The following MAPK10 variants were observed in gnomAD, a reference collection of about 807,000 sequenced individuals.
MAPK10 encodes mitogen-activated protein kinase 10.
In MAPK10, 25 loss-of-function variants were observed where a neutral mutation model predicts 59.3. The observed-to-expected ratio is 0.42, with a 90% CI of 0.31 to 0.59. The LOEUF is 0.59. MAPK10 is among the 20% of genes least tolerant of loss of function. MAPK10 has a pLI of 0.15. For synonymous variants in MAPK10, 190 were observed against 200.5 expected (o/e 0.95, Z 0.44); for missense variants, 351 against 568.9 (o/e 0.62, Z 3.90).
chr4:86,539,448 G>A (rs971096553), intron 1 of MAPK10, among the ~76,000 whole-genome samples: 2 of 152,124 alleles, frequency 1.3e-5, no homozygotes. Flanking sequence ...TGGAATATAA[G>A]CACAAGCATG....
chr4:86,412,065 T>C (rs765027189), intron 1 of MAPK10, among the ~76,000 whole-genome samples: 3 of 152,198 alleles, frequency 2.0e-5, no homozygotes, highest in Non-Finnish European at 4.4e-5. Context: ...GTTTAGTACT[T>C]TCTTCAGGAG....
chr4:86,426,752 C>T (rs949409149), intron 1 of MAPK10, among the ~76,000 whole-genome samples: 2 of 152,102 alleles, frequency 1.3e-5, no homozygotes, highest in Non-Finnish European at 2.9e-5. Context: ...AGTCATTTTA[C>T]CTAGTTTAGC....
At chr4:86,426,002 C>T (rs1216872795) in intron 1 of MAPK10, among the ~76,000 whole-genome samples, 2 of 152,080 alleles carry the variant, frequency 1.3e-5, no homozygotes, top group Non-Finnish European at 2.9e-5. Context: ...GTGATTCAGT[C>T]TACACTAAGC....
chr4:86,432,363 C>T (rs969725698), intron 1 of MAPK10, among the ~76,000 whole-genome samples: 6 of 152,292 alleles, frequency 3.9e-5, no homozygotes, highest in African/African-American at 1.2e-4. Context: ...CAACCTCCAT[C>T]TCCTGGGTTC....
Position 86,348,168 on chromosome 4 carries a change from T to C in MAPK10, c.-7+6362A>G, listed in dbSNP as rs58784570. Among the ~76,000 whole-genome samples the C allele has an allele frequency of 4.0e-3, 606 of 152,264 alleles. 9 individuals are homozygous for C. The highest frequency in any genetic ancestry group is 0.014 in the African/African-American group (581 of 41,534). On this transcript the variant is annotated intron_variant, in intron 2 of 13. Coordinates refer to ENST00000641462, the MANE Select transcript of MAPK10 (RefSeq NM_138982.4). ...ATACTTACCTGGAATTCAAACCATA[T>C]CAATATTTTAAGGCTCTATTTAGGT...
At chr4:86,487,060 A>G (rs1335961536) in intron 1 of MAPK10, among the ~76,000 whole-genome samples, 1 of 152,130 alleles carries the variant, frequency 6.6e-6, no homozygotes, top group Non-Finnish European at 1.5e-5. Context: ...AGCTAAGGAA[A>G]TCTTCCAGAT....
chr4:86,576,729 C>A (rs1019304626), intron 1 of MAPK10, among the ~76,000 whole-genome samples: 1 of 151,246 alleles, frequency 6.6e-6, no homozygotes, highest in African/African-American at 2.4e-5. Flanking sequence ...GAGCCGAGAT[C>A]GCGCCACTGT....
At chr4:86,361,235 T>G (rs1379354278), upstream of MAPK10, among the ~76,000 whole-genome samples, 2 of 152,228 alleles carry the variant, frequency 1.3e-5, no homozygotes, top group African/African-American at 4.8e-5. Context: ...TTGCTGCTGT[T>G]GTTTTATTTG....
At chr4:86,515,788 G>A (rs1349709985) in intron 1 of MAPK10, among the ~76,000 whole-genome samples, 4 of 151,668 alleles carry the variant, frequency 2.6e-5, no homozygotes, top group African/African-American at 9.7e-5. Flanking sequence ...TCTGCGGGTT[G>A]TCTGTTTACT....
chr4:86,574,554 C>G (rs1761728191), intron 1 of MAPK10, among the ~76,000 whole-genome samples: 1 of 152,136 alleles, frequency 6.6e-6, no homozygotes. Flanking sequence ...TCTCCACATC[C>G]TCTCCAGCAC....
intron 2 of MAPK10, among the ~76,000 whole-genome samples, chr4:86,256,574 T>C (rs2093720342): frequency 1.3e-5 from 2 of 151,952 alleles, no homozygotes; most frequent in Admixed American, 1.3e-4. Context: ...ATTTAGTAAG[T>C]ACCTAGATTT....
In MAPK10 at chr4:86,107,240, A is replaced by G; in HGVS notation, c.349T>C (p.Cys117Arg). 6.2e-7 allele frequency: 1 copy of G among 1,612,702 alleles called. No homozygotes were observed. Among genetic ancestry groups the G allele is most frequent in the South Asian group, 1.1e-5 (1 of 90,952 alleles). Reference protein sequence around the residue: ...RAYRELVLMKCVNHKNIISLL... With the variant: ...RAYRELVLMKRVNHKNIISLL... Reference sequence around the variant, plus strand: ...AAACTCACGTTTTTATGGTTCACACACTTCATGAGGACCAGCTCCCGGTAC... The same window carrying G: ...AAACTCACGTTTTTATGGTTCACACGCTTCATGAGGACCAGCTCCCGGTAC... The change falls in exon 5 of 14, where the codon TGT (cysteine) becomes CGT (arginine). Residue 117 changes from cysteine (C) to arginine (R), a missense_variant. Around this residue, in one of 5 missense-constraint regions of MAPK10, gnomAD observed 51 missense variants for 72.7 expected, o/e 0.70. Coordinates refer to ENST00000641462, the MANE Select transcript of MAPK10 (RefSeq NM_138982.4).
At chr4:86,551,422 T>G (rs1459116190) in intron 1 of MAPK10, among the ~76,000 whole-genome samples, 2 of 152,190 alleles carry the variant, frequency 1.3e-5, no homozygotes, top group Non-Finnish European at 2.9e-5. Context: ...GTGAGTAAAA[T>G]TTTGTCAAGA....
chr4:86,050,448 A>T (rs1052837228), intron 11 of MAPK10, among the ~76,000 whole-genome samples: 1 of 152,092 alleles, frequency 6.6e-6, no homozygotes, highest in African/African-American at 2.4e-5. Flanking sequence ...ATGTCCTCTA[A>T]TTGTTGACCC....
At chr4:86,137,925 G>A (rs1294465710) in intron 4 of MAPK10, among the ~76,000 whole-genome samples, 2 of 144,764 alleles carry the variant, frequency 1.4e-5, no homozygotes, top group Admixed American at 6.9e-5. Context: ...AAATAAACTA[G>A]AAAATCTAGA....
intron 2 of MAPK10, among the ~76,000 whole-genome samples, chr4:86,337,427 G>C (rs1722165666): frequency 6.6e-6 from 1 of 152,182 alleles, no homozygotes; most frequent in South Asian, 2.1e-4. Context: ...ACATTTATGT[G>C]AGTGGATGTC....
Position 86,269,574 on chromosome 4 carries a change from C to T in MAPK10, c.-6-75167G>A, listed in dbSNP as rs137975470. 3.9e-5 allele frequency among the ~76,000 whole-genome samples: 6 copies of T among 152,218 alleles called. No homozygotes were observed. In the South Asian group the frequency reaches 1.0e-3, roughly 26 times the overall value. ...CCCTGCATCTTTACACCTACTCTCTCGCCTCTATCCAGCCTCCTTCATTTA... is the reference window on the plus strand; with the variant it reads ...CCCTGCATCTTTACACCTACTCTCTTGCCTCTATCCAGCCTCCTTCATTTA... On this transcript the variant is annotated intron_variant, in intron 2 of 13. Coordinates refer to ENST00000641462, the MANE Select transcript of MAPK10 (RefSeq NM_138982.4).
At chr4:86,566,622 G>A (rs1419643433) in intron 1 of MAPK10, among the ~76,000 whole-genome samples, 1 of 151,994 alleles carries the variant, frequency 6.6e-6, no homozygotes, top group African/African-American at 2.4e-5. Flanking sequence ...GGCTGGGGCA[G>A]TAGAATTGCT....
intron 4 of MAPK10, among the ~76,000 whole-genome samples, chr4:86,156,337 A>G (rs1306256682): frequency 6.6e-5 from 10 of 152,126 alleles, no homozygotes; most frequent in Admixed American, 3.9e-4. Context: ...CTTAATTTTC[A>G]AGGTACAGAT....
Sources: allele counts gnomAD v4.1 joint callset (sites outside exome capture counted in the v4.1 genomes callset), GRCh38; gene constraint gnomAD v4.1.1; regional missense constraint gnomAD v4.1.1; transcripts MANE v1.5; gene names NCBI Gene and HGNC (gene_info 2026-07-23, HGNC 2026-07-21).